DPP9: variants seen among roughly 807,000 people sequenced by gnomAD.
DPP9 encodes the protein dipeptidyl peptidase IV-related protein-2.
In DPP9, 50 loss-of-function variants were observed where a neutral mutation model predicts 110.7. The ratio of observed to expected loss-of-function variants is 0.45; its 90% CI spans 0.36 to 0.57. The LOEUF is 0.57. Ranked by LOEUF, DPP9 falls within the 20% of genes least tolerant of loss-of-function variation. DPP9 has a pLI of 0.00. For missense variants in DPP9, 1,022 were observed against 1,217.9 expected (o/e 0.84, Z 2.39); for synonymous variants, 561 against 514.4 (o/e 1.09, Z -1.23).
At chr19:4,702,349 T>G (rs2092315640) in intron 8 of DPP9, among the ~76,000 whole-genome samples, 194 bp from the exon 9 acceptor site, 1 of 152,088 alleles carries the variant, frequency 6.6e-6, no homozygotes, top group East Asian at 1.9e-4. Context: ...CCCTGTGCAG[T>G]GGGAAGCAGA....
chr19:4,681,799 T>C (rs2145337882), intron 20 of DPP9, among the ~76,000 whole-genome samples: 1 of 151,388 alleles, frequency 6.6e-6, no homozygotes, highest in South Asian at 2.1e-4. Flanking sequence ...ACTCCTACCT[T>C]AAGCAATCCT....
Position 4,682,782 on chromosome 19 carries a change from A to C in DPP9, c.2388T>G (p.Thr796=). The change falls in exon 20 of 22, where the codon ACT becomes ACG. Residue 796 remains threonine, a synonymous_variant. Transcript: ENST00000262960. The surrounding 1 kb of genome is among the most constrained non-coding windows in gnomAD (Gnocchi z 7.1). ...TVWMAYDTGY[T]ERYMDVPENN... ...TCTCAGGGACGTCCATGTAGCGCTC[A>C]GTGTACCCTGTGTCGTAGGCCATCC... 1.2e-6 allele frequency: 2 copies of C among 1,602,440 alleles called. No homozygotes were observed. The highest frequency in any genetic ancestry group is 2.3e-5 in the East Asian group (1 of 44,348).
At chr19:4,712,149 C>T (rs1015943113) in intron 4 of DPP9, among the ~76,000 whole-genome samples, 7 of 152,232 alleles carry the variant, frequency 4.6e-5, no homozygotes, top group African/African-American at 1.4e-4. Flanking sequence ...CCATGGCAGC[C>T]GTGGTCTGTA....
intron 13 of DPP9, among the ~76,000 whole-genome samples, chr19:4,692,876 G>A (rs1441394737): frequency 1.3e-5 from 2 of 152,120 alleles, no homozygotes; most frequent in Admixed American, 6.6e-5. Context: ...TGCACTGGCC[G>A]CATCCCACCC....
In DPP9 at chr19:4,685,967, G is replaced by T; in HGVS notation, c.1886-196C>A. The T allele has an allele frequency of 1.7e-6, 1 of 580,274 alleles. No homozygotes were observed. The highest frequency in any genetic ancestry group is 2.9e-6 in the Non-Finnish European group (1 of 341,568). 35.9% of individuals were successfully genotyped at this position (580,274 alleles called of 1,614,324 possible). ...TTTGTACAGTTTTTGTAGAGATGGG[G>T]TCTTGTCTCCCTGTTGCCCAGGCTG... On this transcript the variant is annotated intron_variant, in intron 16 of 21. Coordinates refer to ENST00000262960, the MANE Select transcript of DPP9 (RefSeq NM_139159.5). The surrounding 1 kb of genome is among the most constrained non-coding windows in gnomAD (Gnocchi z 5.8).
chr19:4,722,800 C>A (rs934764748), intron 1 of DPP9: 5 of 457,678 alleles, frequency 1.1e-5, no homozygotes, highest in Non-Finnish European at 2.0e-5. Context: ...ACGGTCCACA[C>A]CCCCTGGGCT....
chr19:4,715,483 CCT>C (rs2093034462), intron 3 of DPP9: 1 of 152,204 alleles, frequency 6.6e-6, no homozygotes, highest in Admixed American at 6.5e-5. Flanking sequence ...TTGTGGGACC[CCT>C]GTCTCCCCCA....
Position 4,688,851 on chromosome 19 carries a change from C to T in DPP9, c.1791G>A (p.Thr597=), listed in dbSNP as rs780709319. ...GCTTGTAGACGTGCACGCAGGGCGG[C>T]GTGCTCACGCTGCTGTAGTGGCTGA... ...MFVSHYSSVS[T]PPCVHVYKLS... The change falls in exon 16 of 22, where the codon ACG becomes ACA. Residue 597 remains threonine, a synonymous_variant. Coordinates refer to ENST00000262960, the MANE Select transcript of DPP9 (RefSeq NM_139159.5). 3.3e-6 allele frequency: 5 copies of T among 1,515,936 alleles called. No homozygotes were observed. Among genetic ancestry groups the T allele is most frequent in the Non-Finnish European group, 3.5e-6 (4 of 1,146,006 alleles). The allele number at this position is 1,515,936 out of a possible 1,614,324, so 93.9% of individuals were successfully genotyped here.
rs749641050 is a variant in DPP9, at chr19:4,695,467, C to T, written c.1264G>A (p.Glu422Lys). 20 of 1,585,720 alleles carry T rather than the reference C, an allele frequency of 1.3e-5. No homozygotes were observed. The highest frequency in any genetic ancestry group is 3.5e-5 in the Admixed American group (2 of 56,444). ...PALFIPSTEN[E>K]EQRLASARAV... ...CTGGCAGAGGCTAGCCGCTGCTCCT[C>T]ATTCTCTGTGCTCGGGATGAACAGG... is the stretch of plus-strand genomic sequence containing the variant. Residue 422 changes from glutamate to lysine, a missense_variant, in exon 12 of 22, where the codon GAG becomes AAG. This residue lies in a region of DPP9 where 810 missense variants were observed against 920.6 expected (regional missense o/e 0.88). Coordinates refer to ENST00000262960, the MANE Select transcript of DPP9 (RefSeq NM_139159.5). This position sits in a 1 kb window ranked among gnomAD's most constrained non-coding sequence, Gnocchi z 4.7.
intron 4 of DPP9, among the ~76,000 whole-genome samples, chr19:4,712,355 C>A (rs768257480): frequency 6.6e-6 from 1 of 152,100 alleles, no homozygotes; most frequent in Non-Finnish European, 1.5e-5. Context: ...TCAAGACCAG[C>A]TTGGGCAACA....
At position 4,684,678 on chromosome 19, in the gene DPP9, G is replaced by T. The variant is rs1397951198; in HGVS notation, c.2163C>A (p.Ala721=). 2.5e-6 allele frequency: 4 copies of T among 1,613,050 alleles called. No individual in the cohort carries two copies. The Middle Eastern group carries it at 4.9e-4, about 199-fold the overall frequency. Residue 721 remains alanine, a synonymous_variant, in exon 18 of 22, where the codon GCC becomes GCA. Coordinates refer to ENST00000262960, the MANE Select transcript of DPP9 (RefSeq NM_139159.5). This position sits in a 1 kb window ranked among gnomAD's most constrained non-coding sequence, Gnocchi z 4.8. Reference sequence around the variant, plus strand: ...GAGTTGTTACCATTTGGTTTTTCAGGGCCCCTTCGAACCGAAGCCCTCGCT... The same window carrying T: ...GAGTTGTTACCATTTGGTTTTTCAGTGCCCCTTCGAACCGAAGCCCTCGCT... ...SCQRGLRFEG[A]LKNQMGQVEI... is the part of the protein sequence containing the mutation.
chr19:4,714,395 C>T (rs941208613), intron 3 of DPP9, 58 bp from the exon 4 acceptor site: 2 of 1,442,546 alleles, frequency 1.4e-6, no homozygotes, highest in Non-Finnish European at 9.1e-7. Context: ...ACGAGCTGCC[C>T]CAATGCTGCC....
Position 4,684,211 on chromosome 19 carries a change from G to A in DPP9, c.2178+452C>T, listed in dbSNP as rs190787119. 10 of 276,444 alleles carry A rather than the reference G, an allele frequency of 3.6e-5. No individual in the cohort carries two copies. The highest frequency in any genetic ancestry group is 1.9e-4 in the Admixed American group (4 of 20,812). The allele number at this position is 276,444 out of a possible 1,614,324, so 17.1% of individuals were successfully genotyped here. A position where few individuals can be genotyped will look rare whatever the true frequency, so the allele number is the denominator to read the frequency against. ...TTCCGCTCCTTGCAACCCCTCTGCC[G>A]TGTAGGAAGCAGCACAGGGCCTCTC... On this transcript the variant is annotated intron_variant, in intron 18 of 21. Coordinates refer to ENST00000262960, the MANE Select transcript of DPP9 (RefSeq NM_139159.5). The surrounding 1 kb of genome is among the most constrained non-coding windows in gnomAD (Gnocchi z 4.8).
Position 4,676,935 on chromosome 19 carries a change from T to A in DPP9, c.2587-279A>T, listed in dbSNP as rs1050277700. On this transcript the variant is annotated intron_variant, in intron 21 of 21. Coordinates refer to ENST00000262960, the MANE Select transcript of DPP9 (RefSeq NM_139159.5). The surrounding 1 kb of genome is among the most constrained non-coding windows in gnomAD (Gnocchi z 4.0). ...GCACGCGCTTGCACAGAGGAAAGAT[T>A]TAGGAAGAAACCGTTTGCCTCTTTC... Among the ~76,000 whole-genome samples the A allele has an allele frequency of 2.0e-5, 3 of 152,100 alleles. No homozygotes were observed. Among genetic ancestry groups the A allele is most frequent in the African/African-American group, 7.2e-5 (3 of 41,424 alleles).
intron 4 of DPP9, among the ~76,000 whole-genome samples, chr19:4,708,565 G>T (rs2092693041): frequency 6.6e-6 from 1 of 152,154 alleles, no homozygotes; most frequent in Non-Finnish European, 1.5e-5. Flanking sequence ...ACTGGATAAA[G>T]AAAATGTAGT....
chr19:4,679,396 C>T lies in DPP9; in HGVS notation c.2586+439G>A, dbSNP rs545515585. ...CCCCAAGCCTGGCTGGCTCCACTCA[C>T]TCTAGCACCCTTCACTGCTGCCTCC... On this transcript the variant is annotated intron_variant, in intron 21 of 21. Coordinates refer to ENST00000262960, the MANE Select transcript of DPP9 (RefSeq NM_139159.5). 4.7e-5 allele frequency: 10 copies of T among 213,938 alleles called. No individual in the cohort carries two copies. The South Asian group carries it at 6.7e-4, about 14-fold the overall frequency. The allele number at this position is 213,938 out of a possible 1,614,324, so 13.3% of individuals were successfully genotyped here. A position where few individuals can be genotyped will look rare whatever the true frequency, so the allele number is the denominator to read the frequency against.
chr19:4,700,210 C>G lies in DPP9; in HGVS notation c.1074+6G>C. 1 of 1,576,714 alleles carries G rather than the reference C, an allele frequency of 6.3e-7. No individual in the cohort carries two copies. Among genetic ancestry groups the G allele is most frequent in the South Asian group, 1.1e-5 (1 of 87,240 alleles). ...AGATTATCTGGTATGCAGCAGGCCC[C>G]CTTACCTTGCCCTGGCTGTCAGTCT... On this transcript the variant is annotated splice_donor_region_variant and intron_variant, in intron 10 of 21. Coordinates refer to ENST00000262960, the MANE Select transcript of DPP9 (RefSeq NM_139159.5). The surrounding 1 kb of genome is among the most constrained non-coding windows in gnomAD (Gnocchi z 4.3).
rs773214275 is a variant in DPP9, at chr19:4,714,259, G to A, written c.135C>T (p.Ala45=). 35 of 1,576,912 alleles carry A rather than the reference G, an allele frequency of 2.2e-5. No individual in the cohort carries two copies. The highest frequency in any genetic ancestry group is 3.0e-5 in the Non-Finnish European group (35 of 1,162,970). ...TPTADRGDAA[A]TDDPAARFQV... ...GGAAGCGGGCGGCCGGGTCATCTGT[G>A]GCGGCTGCGTCGCCTCGGTCGGCCG... The change falls in exon 4 of 22, where the codon GCC becomes GCT. Residue 45 remains alanine, a synonymous_variant. Coordinates refer to ENST00000262960, the MANE Select transcript of DPP9 (RefSeq NM_139159.5).
rs536086143 is a variant in DPP9 at position 4,718,801 on chromosome 19, C to T, written c.56+1050G>A. ...CCCTTCACACCGTCCCCGTCTTCCC[C>T]GGTCCATTCTTCAATTCCCTTCCCA... is the stretch of plus-strand genomic sequence containing the variant. On this transcript the variant is annotated intron_variant, in intron 3 of 21. Transcript: ENST00000262960. The surrounding 1 kb of genome is among the most constrained non-coding windows in gnomAD (Gnocchi z 4.3). 9.8e-5 allele frequency among the ~76,000 whole-genome samples: 15 copies of T among 152,312 alleles called. No homozygotes were observed. The highest frequency in any genetic ancestry group is 2.1e-4 in the South Asian group (1 of 4,824).
Sources: allele counts gnomAD v4.1 joint callset (sites outside exome capture counted in the v4.1 genomes callset), GRCh38; gene constraint gnomAD v4.1.1; regional missense constraint gnomAD v4.1.1; non-coding constraint Gnocchi (gnomAD v3.1); transcripts MANE v1.5; gene names NCBI Gene and HGNC (gene_info 2026-07-23, HGNC 2026-07-21).